Variants in KPNA6 observed in about 807,000 individuals in gnomAD.
KPNA6 encodes importin subunit alpha-7.
Under a neutral mutation model 72.0 loss-of-function variants are expected in KPNA6, and 9 were observed. The observed-to-expected ratio is 0.13, with a 90% CI of 0.08 to 0.22. The LOEUF is 0.22. KPNA6 is among the 10% of genes least tolerant of loss of function. The probability of loss-of-function intolerance (pLI) is 1.00; values close to 1 mark genes in which losing one functional copy is unlikely to be tolerated. For synonymous variants in KPNA6, 219 were observed against 242.1 expected, an observed-to-expected ratio of 0.90 and a Z score of 0.89; for missense variants, 374 against 655.7, an observed-to-expected ratio of 0.57 and a Z score of 4.69.
chr1:32,138,947 C>T (rs75710945), intron 1 of KPNA6, among the ~76,000 whole-genome samples: 1,888 of 152,118 alleles, frequency 0.012, 32 homozygotes, highest in African/African-American at 0.038. Flanking sequence ...TGGAGGAAAT[C>T]GTGGTTTCTG....
intron 6 of KPNA6, 81 bp downstream of exon 6, chr1:32,159,612 GCA>G: frequency 6.7e-7 from 1 of 1,490,778 alleles, no homozygotes; most frequent in Non-Finnish European, 9.1e-7. Flanking sequence ...CTGGTTCTTG[GCA>G]CAGTGTTAAA....
chr1:32,116,399 C>G (rs1238555455), intron 1 of KPNA6, among the ~76,000 whole-genome samples: 1 of 152,034 alleles, frequency 6.6e-6, no homozygotes, highest in African/African-American at 2.4e-5. Context: ...TGGCTCATGC[C>G]TGTAATCCTA....
chr1:32,160,731 G>GGC (rs780066570), intron 7 of KPNA6, 28 bp downstream of exon 7: 2 of 1,568,774 alleles, frequency 1.3e-6, no homozygotes, highest in South Asian at 2.2e-5. Flanking sequence ...TCTGTACCTG[G>GGC]GCGTCTACTG....
intron 1 of KPNA6, among the ~76,000 whole-genome samples, chr1:32,131,655 T>TAC (rs753513296): frequency 2.9e-4 from 44 of 151,296 alleles, no homozygotes; most frequent in Non-Finnish European, 5.6e-4. Flanking sequence ...TATATATATA[T>TAC]ACACACACAA....
At chr1:32,144,776 G>C (rs1397887870) in intron 1 of KPNA6, among the ~76,000 whole-genome samples, 1 of 151,586 alleles carries the variant, frequency 6.6e-6, no homozygotes, top group Non-Finnish European at 1.5e-5. Context: ...TCAGCCTCCC[G>C]AGTAGCTGGG....
At chr1:32,159,273 T>A in intron 5 of KPNA6, 127 bp from the exon 6 acceptor site, 1 of 917,498 alleles carries the variant, frequency 1.1e-6, no homozygotes, top group Non-Finnish European at 1.7e-6. Flanking sequence ...GGCTTGCTTG[T>A]GTTTTGTGAG....
At position 32,154,615 on chromosome 1, in the gene KPNA6, A is replaced by G. The variant is rs141995585; in HGVS notation, c.32A>G (p.Asn11Ser). 9.3e-6 allele frequency: 15 copies of G among 1,613,932 alleles called. No homozygotes were observed. The highest frequency in any genetic ancestry group is 2.2e-5 in the East Asian group (1 of 44,882). ...ACCATGGCGAGCCCAGGGAAAGACA[A>G]TTATCGAATGAAGAGCTATAAGAAC... METMASPGKD[N>S]YRMKSYKNNA... Residue 11 changes from asparagine (N) to serine (S), a missense_variant, in exon 2 of 14, where the codon AAT becomes AGT. By Grantham distance (46) the Asn-to-Ser change is conservative. Coordinates refer to ENST00000373625, the MANE Select transcript of KPNA6 (RefSeq NM_012316.5).
rs772063459 is a variant in KPNA6, at chr1:32,154,537, G to A, written c.5-51G>A. The stretch of plus-strand genomic sequence containing the variant: ...GGTAGGGATAGAAGTCTAGTGAAAA[G>A]GAAATGCTGTCCTCTCAAGAGTTTT... On this transcript the variant is annotated intron_variant, in intron 1 of 13. Transcript: ENST00000373625. 17 of 1,592,920 alleles carry A rather than the reference G, an allele frequency of 1.1e-5. No individual in the cohort carries two copies. In the East Asian group the frequency reaches 3.6e-4, roughly 34 times the overall value.
rs1199546796 is a variant in KPNA6, at chr1:32,174,366, ACTTT to A, written c.*3475_*3478del. 1 of 152,214 alleles carries A rather than the reference ACTTT, an allele frequency of 6.6e-6. No individual in the cohort carries two copies. The highest frequency in any genetic ancestry group is 2.4e-5 in the African/African-American group (1 of 41,454). The allele number at this position is 152,214 out of a possible 1,614,324, so 9.4% of individuals were successfully genotyped here. On this transcript the variant is annotated 3_prime_UTR_variant, in exon 14 of 14. Coordinates refer to ENST00000373625, the MANE Select transcript of KPNA6 (RefSeq NM_012316.5). ...AGGAAAAGAAGGTTCTCAGGCACAG[ACTTT>A]CTATTTTTCTCAAGCCAAACCAGTT...
intron 1 of KPNA6, among the ~76,000 whole-genome samples, chr1:32,114,441 C>CAAAAAAA (rs1251610614): frequency 3.7e-5 from 5 of 135,332 alleles, no homozygotes; most frequent in African/African-American, 1.4e-4. Context: ...AACTCTGTCT[C>CAAAAAAA]AAAAAAAAAA....
intron 1 of KPNA6, among the ~76,000 whole-genome samples, chr1:32,124,447 G>A (rs1285812681): frequency 1.3e-5 from 2 of 151,526 alleles, no homozygotes; most frequent in Admixed American, 6.6e-5. Flanking sequence ...AGGCCAAGGC[G>A]GGAGGATTGC....
intron 1 of KPNA6, among the ~76,000 whole-genome samples, chr1:32,128,885 TG>T (rs1641587857): frequency 6.6e-6 from 1 of 152,226 alleles, no homozygotes; most frequent in Non-Finnish European, 1.5e-5. Context: ...ACAAAGTACT[TG>T]GGTATATATT....
chr1:32,140,095 TAAG>T (rs1641811360), intron 1 of KPNA6, among the ~76,000 whole-genome samples: 2 of 152,154 alleles, frequency 1.3e-5, no homozygotes, highest in African/African-American at 2.4e-5. Flanking sequence ...TGTGGTTATA[TAAG>T]AAGAAGGTCC....
In KPNA6 at chr1:32,123,709, C is replaced by T. The variant is rs570920442; in HGVS notation, c.4+15575C>T. On this transcript the variant is annotated intron_variant, in intron 1 of 13. Transcript: ENST00000373625. Reference sequence around the variant, plus strand: ...GAGCCAAGATCATGCCACTGCACTCCATATTGGGTGACAGAGTGAGACCCT... The same window carrying T: ...GAGCCAAGATCATGCCACTGCACTCTATATTGGGTGACAGAGTGAGACCCT... Among the ~76,000 whole-genome samples the T allele has an allele frequency of 7.7e-5, 11 of 142,368 alleles. No homozygotes were observed. In the South Asian group the frequency reaches 2.5e-3, roughly 33 times the overall value. The allele number at this position is 142,368 out of a possible 152,430, so 93.4% of individuals were successfully genotyped here. A position where few individuals can be genotyped will look rare whatever the true frequency, so the allele number is the denominator to read the frequency against.
At chr1:32,166,832 G>GTGACTACT (rs1642348773) in intron 11 of KPNA6, among the ~76,000 whole-genome samples, 3 of 151,720 alleles carry the variant, frequency 2.0e-5, no homozygotes, top group Non-Finnish European at 4.4e-5. Context: ...CAGCTAGTCG[G>GTGACTACT]GAGGCTGAGG....
chr1:32,139,348 A>T (rs1387412302), intron 1 of KPNA6, among the ~76,000 whole-genome samples: 1 of 152,220 alleles, frequency 6.6e-6, no homozygotes, highest in Non-Finnish European at 1.5e-5. Context: ...AGAGCTAAGG[A>T]AAAGCGTTGA....
chr1:32,117,979 A>C (rs769863287), intron 1 of KPNA6, among the ~76,000 whole-genome samples: 11 of 151,832 alleles, frequency 7.2e-5, no homozygotes, highest in Non-Finnish European at 1.5e-4. Context: ...GCTGGAGTGC[A>C]GTGGCACAAT....
rs115475761 is a variant in KPNA6 at position 32,155,501 on chromosome 1, T to C, written c.138+780T>C. 9.4e-3 allele frequency among the ~76,000 whole-genome samples: 1,427 copies of C among 151,726 alleles called. 18 individuals carry two copies. Among genetic ancestry groups the C allele is most frequent in the African/African-American group, 0.032 (1,313 of 41,400 alleles). The stretch of plus-strand genomic sequence containing the variant: ...CACGTCCAATTAACTTTGTATATTT[T>C]TGGTAGAGACTGGGTTTCACCATGT... On this transcript the variant is annotated intron_variant, in intron 2 of 13. Coordinates refer to ENST00000373625, the MANE Select transcript of KPNA6 (RefSeq NM_012316.5).
rs569666234 is a variant in KPNA6, at chr1:32,172,785, C to T, written c.*1891C>T. On this transcript the variant is annotated 3_prime_UTR_variant, in exon 14 of 14. Transcript: ENST00000373625. Reference sequence around the variant, plus strand: ...CCTCCCCACTGTGGTTAGTCAGAGGCATCCTGCTCCAAGCTCTGCTTTTCC... The same window carrying T: ...CCTCCCCACTGTGGTTAGTCAGAGGTATCCTGCTCCAAGCTCTGCTTTTCC... 3.1e-5 allele frequency: 8 copies of T among 258,862 alleles called. No individual in the cohort carries two copies. Among genetic ancestry groups the T allele is most frequent in the Non-Finnish European group, 5.8e-5 (8 of 138,392 alleles). 16.0% of individuals were successfully genotyped at this position (258,862 alleles called of 1,614,324 possible).
Sources: gnomAD v4.1 joint callset for allele counts (sites outside exome capture counted in the v4.1 genomes callset) on GRCh38, gnomAD v4.1.1 for gene constraint, MANE v1.5 for transcripts, NCBI Gene and HGNC (gene_info 2026-07-23, HGNC 2026-07-21) for gene names.